Variants in TRAPPC14 observed in about 807,000 individuals in gnomAD.
TRAPPC14 encodes the protein microtubule associated protein 11.
TRAPPC14 carries 24 observed loss-of-function variants against 56.6 expected under a neutral mutation model. That is an observed-to-expected ratio of 0.42 (90% CI 0.31 to 0.60). The LOEUF (loss-of-function observed/expected upper bound fraction) is 0.60. TRAPPC14 is among the 20% of genes least tolerant of loss of function. The probability of loss-of-function intolerance (pLI) is 0.14; values close to 1 mark genes in which losing one functional copy is unlikely to be tolerated. For missense variants in TRAPPC14, 615 were observed against 790.3 expected (o/e 0.78, Z 2.66); for synonymous variants, 377 against 347.0 (o/e 1.09, Z -0.96).
intron 9 of TRAPPC14, 24 bp downstream of exon 9, chr7:100,155,647 C>G: frequency 6.4e-7 from 1 of 1,573,940 alleles, no homozygotes; most frequent in Middle Eastern, 1.8e-4. Context: ...ACTCAGCACT[C>G]AGCCCAGACC....
Position 100,154,824 on chromosome 7 carries a change from A to G in TRAPPC14, c.*187T>C. 1.6e-6 allele frequency: 1 copy of G among 632,206 alleles called. No individual in the cohort carries two copies. The highest frequency in any genetic ancestry group is 2.8e-6 in the Non-Finnish European group (1 of 359,160). The allele number at this position is 632,206 out of a possible 1,614,324, so 39.2% of individuals were successfully genotyped here. A position where few individuals can be genotyped will look rare whatever the true frequency, so the allele number is the denominator to read the frequency against. ...CGGGGAATACTGGTGGCTTAGTCCC[A>G]GCCATGCCCGCCCACTTCACAGCTT... On this transcript the variant is annotated 3_prime_UTR_variant, in exon 11 of 11. Transcript: ENST00000316937.
intron 3 of TRAPPC14, 50 bp downstream of exon 3, chr7:100,157,583 T>A (rs1443880151): frequency 2.5e-6 from 4 of 1,609,444 alleles, no homozygotes; most frequent in African/African-American, 2.7e-5. Context: ...CTCCCCTCTG[T>A]CCCCCAATTC....
In TRAPPC14 at chr7:100,154,997, G is replaced by C. The variant is rs1449531647; in HGVS notation, c.*14C>G. The C allele has an allele frequency of 2.5e-6, 4 of 1,614,058 alleles. No individual in the cohort carries two copies. The highest frequency in any genetic ancestry group is 2.7e-5 in the African/African-American group (2 of 75,056). On this transcript the variant is annotated 3_prime_UTR_variant, in exon 11 of 11. Coordinates refer to ENST00000316937, the MANE Select transcript of TRAPPC14 (RefSeq NM_018275.5). ...GGTCTCTGGAGTGTAAGAGGGAACA[G>C]AGCTGGCACGGTGCTACTTGACGGG...
rs770996571 is a variant in TRAPPC14 at position 100,157,781 on chromosome 7, GA to G, written c.508-20del. On this transcript the variant is annotated intron_variant, in intron 2 of 10. Transcript: ENST00000316937. ...CTACAATCTGTCAAGAGGAAAGACA[GA>G]TGGCTGAGCCCGGAAAAGGTGTCTG... 1.2e-6 allele frequency: 2 copies of G among 1,614,202 alleles called. No individual in the cohort carries two copies. The highest frequency in any genetic ancestry group is 1.7e-6 in the Non-Finnish European group (2 of 1,180,026).
chr7:100,158,023 C>T lies in TRAPPC14; in HGVS notation c.411+66G>A. On this transcript the variant is annotated intron_variant, in intron 1 of 10. Transcript: ENST00000316937. Reference sequence around the variant, plus strand: ...CCCTTTAAGACCGGCAGTTCATCTGCCTCCTGCCTCAGGCCCCCAGCAAAC... The same window carrying T: ...CCCTTTAAGACCGGCAGTTCATCTGTCTCCTGCCTCAGGCCCCCAGCAAAC... The T allele has an allele frequency of 4.3e-6, 6 of 1,408,312 alleles. No homozygotes were observed. The South Asian group carries it at 5.8e-5, about 14-fold the overall frequency. 87.2% of individuals were successfully genotyped at this position (1,408,312 alleles called of 1,614,324 possible).
chr7:100,157,953 G>C lies in TRAPPC14; in HGVS notation c.412-15C>G. The C allele has an allele frequency of 6.5e-7, 1 of 1,529,414 alleles. No individual in the cohort carries two copies. The highest frequency in any genetic ancestry group is 8.8e-7 in the Non-Finnish European group (1 of 1,137,678). The allele number at this position is 1,529,414 out of a possible 1,614,324, so 94.7% of individuals were successfully genotyped here. On this transcript the variant is annotated splice_polypyrimidine_tract_variant and intron_variant, in intron 1 of 10. Coordinates refer to ENST00000316937, the MANE Select transcript of TRAPPC14 (RefSeq NM_018275.5). ...TCCACAGGCAGCTGGGGTTGGGAAA[G>C]GGGTGAAGAGGTCAGGAGCAAGTCA...
Position 100,158,078 on chromosome 7 carries a change from A to C in TRAPPC14, c.411+11T>G. 1 of 1,456,378 alleles carries C rather than the reference A, an allele frequency of 6.9e-7. No individual in the cohort carries two copies. The highest frequency in any genetic ancestry group is 1.4e-5 in the African/African-American group (1 of 69,620). 90.2% of individuals were successfully genotyped at this position (1,456,378 alleles called of 1,614,324 possible). A position where few individuals can be genotyped will look rare whatever the true frequency, so the allele number is the denominator to read the frequency against. On this transcript the variant is annotated intron_variant, in intron 1 of 10. Coordinates refer to ENST00000316937, the MANE Select transcript of TRAPPC14 (RefSeq NM_018275.5). The stretch of plus-strand genomic sequence containing the variant: ...CCTCCGTCCTGTGCCAGGTCCCCCA[A>C]AGCTCCTCACCGTGGTCGCTCCCCC...
rs753291892 is a variant in TRAPPC14, at chr7:100,157,146, T to C, written c.793A>G (p.Ser265Gly). 2.5e-6 allele frequency: 4 copies of C among 1,614,200 alleles called. No individual in the cohort carries two copies. The South Asian group carries it at 4.4e-5, about 18-fold the overall frequency. Residue 265 changes from serine to glycine, a missense_variant, in exon 5 of 11, where the codon AGT (serine) becomes GGT (glycine). Transcript: ENST00000316937. ...CCATCGGGCATGACAGGTAGATAACTGGCGTTGAAGTTGGGGAGGATTCGG... is the reference window on the plus strand; with the variant it reads ...CCATCGGGCATGACAGGTAGATAACCGGCGTTGAAGTTGGGGAGGATTCGG... ...DIRILPNFNA[S>G]YLPVMPDGSV...
Position 100,155,325 on chromosome 7 carries a change from T to C in TRAPPC14, c.1526A>G (p.Gln509Arg). ...GGACTGGGAGCGGCCCAGGCTAGCCTGATGCCTCTCCACCAAGTCCCGGAC... is the reference window on the plus strand; with the variant it reads ...GGACTGGGAGCGGCCCAGGCTAGCCCGATGCCTCTCCACCAAGTCCCGGAC... ...PAVRDLVERH[Q>R]ASLGRSQSFS... Residue 509 changes from glutamine (Q) to arginine (R), a missense_variant, in exon 10 of 11, where the codon CAG becomes CGG. By Grantham distance (43) the Gln-to-Arg change is conservative. Coordinates refer to ENST00000316937, the MANE Select transcript of TRAPPC14 (RefSeq NM_018275.5). 2.6e-6 allele frequency: 4 copies of C among 1,553,264 alleles called. No individual in the cohort carries two copies. Among genetic ancestry groups the C allele is most frequent in the Non-Finnish European group, 3.5e-6 (4 of 1,148,818 alleles).
Position 100,158,521 on chromosome 7 carries a change from C to A in TRAPPC14, c.-22G>T, listed in dbSNP as rs1268926986. ...CCATGGGGCGGCGAGGACGGCGCGA[C>A]TGGGAGCCCGGACCGGAGGCCGACC... On this transcript the variant is annotated 5_prime_UTR_variant, in exon 1 of 11. Transcript: ENST00000316937. The A allele has an allele frequency of 2.7e-5, 35 of 1,307,314 alleles. No individual in the cohort carries two copies. The East Asian group carries it at 1.0e-3, about 39-fold the overall frequency. 81.0% of individuals were successfully genotyped at this position (1,307,314 alleles called of 1,614,324 possible).
At chr7:100,157,798 A>G (rs1173484047) in intron 2 of TRAPPC14, 36 bp from the exon 3 acceptor site, 1 of 1,614,132 alleles carries the variant, frequency 6.2e-7, no homozygotes, top group South Asian at 1.1e-5. Context: ...GAGCCCGGAA[A>G]AGGTGTCTGA....
chr7:100,154,641 CGGGA>C lies in TRAPPC14; in HGVS notation c.*366_*369del. On this transcript the variant is annotated 3_prime_UTR_variant, in exon 11 of 11. Transcript: ENST00000316937. ...TCACCACCCTCTAATCTCAGCCCTGCGGGAGGGAGGGAGGGAATGTCAGAGGTGG... is the reference window on the plus strand; with the variant it reads ...TCACCACCCTCTAATCTCAGCCCTGCGGGAGGGAGGGAATGTCAGAGGTGG... 2.6e-5 allele frequency: 8 copies of C among 302,448 alleles called. No individual in the cohort carries two copies. The highest frequency in any genetic ancestry group is 4.9e-5 in the Admixed American group (1 of 20,252). The allele number at this position is 302,448 out of a possible 1,614,324, so 18.7% of individuals were successfully genotyped here.
Position 100,157,841 on chromosome 7 carries a change from A to T in TRAPPC14, c.507+2T>A. 1 of 1,605,938 alleles carries T rather than the reference A, an allele frequency of 6.2e-7. No homozygotes were observed. The highest frequency in any genetic ancestry group is 8.5e-7 in the Non-Finnish European group (1 of 1,174,652). On this transcript the variant is annotated splice_donor_variant, in intron 2 of 10. Coordinates refer to ENST00000316937, the MANE Select transcript of TRAPPC14 (RefSeq NM_018275.5). LOFTEE classifies it high-confidence loss of function. ...CAATAGCTCCACTCTTGCTCATCTT[A>T]CCTTGGCCTTAGGTGTCCCTGGGGG...
chr7:100,155,576 CTTT>C, intron 9 of TRAPPC14, 92 bp downstream of exon 9: 1 of 1,511,478 alleles, frequency 6.6e-7, no homozygotes, highest in Non-Finnish European at 8.9e-7. Flanking sequence ...CTCTGCCCAG[CTTT>C]TTATTTCATC....
rs576474905 is a variant in TRAPPC14, at chr7:100,155,419, C to T, written c.1432G>A (p.Ala478Thr). The change falls in exon 10 of 11, where the codon GCC (alanine) becomes ACC (threonine). Residue 478 changes from alanine to threonine, a missense_variant. Coordinates refer to ENST00000316937, the MANE Select transcript of TRAPPC14 (RefSeq NM_018275.5). Reference sequence around the variant, plus strand: ...TCGGGTGGAGGGTGGGACACGCTGGCGGTGAACTGCAGCTTCAGTTTCATG... The same window carrying T: ...TCGGGTGGAGGGTGGGACACGCTGGTGGTGAACTGCAGCTTCAGTTTCATG... ...QHMKLKLQFT[A>T]SVSHPPPEAR... 30 of 1,533,500 alleles carry T rather than the reference C, an allele frequency of 2.0e-5. No individual in the cohort carries two copies. Among genetic ancestry groups the T allele is most frequent in the East Asian group, 9.8e-5 (4 of 40,900 alleles). The allele number at this position is 1,533,500 out of a possible 1,614,324, so 95.0% of individuals were successfully genotyped here. A position where few individuals can be genotyped will look rare whatever the true frequency, so the allele number is the denominator to read the frequency against.
At position 100,154,553 on chromosome 7, in the gene TRAPPC14, A is replaced by C; in HGVS notation, c.*458T>G. The C allele has an allele frequency of 5.0e-6, 1 of 201,900 alleles. No homozygotes were observed. The highest frequency in any genetic ancestry group is 7.8e-5 in the South Asian group (1 of 12,806). 12.5% of individuals were successfully genotyped at this position (201,900 alleles called of 1,614,324 possible). On this transcript the variant is annotated 3_prime_UTR_variant, in exon 11 of 11. Coordinates refer to ENST00000316937, the MANE Select transcript of TRAPPC14 (RefSeq NM_018275.5). ...TGCAAACGTAAACATAAGGGGCAGGAGGCTACCTGGCCCTGTCCCCAACCC... is the reference window on the plus strand; with the variant it reads ...TGCAAACGTAAACATAAGGGGCAGGCGGCTACCTGGCCCTGTCCCCAACCC...
In TRAPPC14 at chr7:100,158,190, G is replaced by A; in HGVS notation, c.310C>T (p.Pro104Ser). The A allele has an allele frequency of 6.9e-7, 1 of 1,456,046 alleles. No homozygotes were observed. The highest frequency in any genetic ancestry group is 9.0e-7 in the Non-Finnish European group (1 of 1,112,900). 90.2% of individuals were successfully genotyped at this position (1,456,046 alleles called of 1,614,324 possible). The change falls in exon 1 of 11, where the codon CCC becomes TCC. Residue 104 changes from proline (P) to serine (S), a missense_variant. Transcript: ENST00000316937. ...GGGAGDQDSE[P>S]PGGGDPGGGG... The stretch of plus-strand genomic sequence containing the variant: ...CCCCCAGGATCCCCTCCCCCTGGGG[G>A]CTCCGAATCCTGGTCGCCGGCGCCG...
Position 100,155,423 on chromosome 7 carries a change from G to A in TRAPPC14, c.1428C>T (p.Phe476=). ...GTGGAGGGTGGGACACGCTGGCGGT[G>A]AACTGCAGCTTCAGTTTCATGTGCT... is the stretch of plus-strand genomic sequence containing the variant. ...LSQHMKLKLQ[F]TASVSHPPPE... The change falls in exon 10 of 11, where the codon TTC becomes TTT. Residue 476 remains phenylalanine (F), a synonymous_variant. Coordinates refer to ENST00000316937, the MANE Select transcript of TRAPPC14 (RefSeq NM_018275.5). 1.3e-6 allele frequency: 2 copies of A among 1,531,982 alleles called. No homozygotes were observed. The highest frequency in any genetic ancestry group is 1.8e-6 in the Non-Finnish European group (2 of 1,136,976). 94.9% of individuals were successfully genotyped at this position (1,531,982 alleles called of 1,614,324 possible).
Position 100,155,687 on chromosome 7 carries a change from C to T in TRAPPC14, c.1379G>A (p.Arg460Lys). The T allele has an allele frequency of 6.2e-7, 1 of 1,608,818 alleles. No homozygotes were observed. Among genetic ancestry groups the T allele is most frequent in the East Asian group, 2.2e-5 (1 of 44,834 alleles). Residue 460 changes from arginine (R) to lysine (K), a missense_variant, in exon 9 of 11, where the codon AGG becomes AAG. By Grantham distance (26) the Arg-to-Lys change is conservative. Transcript: ENST00000316937. The stretch of plus-strand genomic sequence containing the variant: ...CCAGCCCACCTCGAAGAGCCCCGTC[C>T]TCAGAGCCTGGAAGGCCACACTGAA... ...LTFSVAFQALRTGLFELSQHM... is the reference protein window; with the variant it reads ...LTFSVAFQALKTGLFELSQHM...
Sources: allele counts gnomAD v4.1 joint callset, GRCh38; gene constraint gnomAD v4.1.1; transcripts MANE v1.5; gene names NCBI Gene and HGNC (gene_info 2026-07-23, HGNC 2026-07-21).